TMCC3: variants seen among roughly 807,000 people sequenced by gnomAD.
TMCC3 encodes transmembrane and coiled-coil domain family 3.
In TMCC3, 28 loss-of-function variants were observed where a neutral mutation model predicts 40.2. The ratio of observed to expected loss-of-function variants is 0.70; its 90% CI spans 0.52 to 0.95. The LOEUF is 0.95. Among genes scored for constraint, TMCC3 ranks in the 40% least tolerant of loss-of-function variants. TMCC3 has a pLI of 0.00. For missense variants in TMCC3, 554 were observed against 615.2 expected (o/e 0.90, Z 1.05); for synonymous variants, 255 against 248.5 (o/e 1.03, Z -0.25).
intron 1 of TMCC3, among the ~76,000 whole-genome samples, chr12:94,591,649 G>A (rs754646013): frequency 2.5e-4 from 38 of 152,100 alleles, no homozygotes; most frequent in Non-Finnish European, 4.3e-4. Context: ...CTGACTACTC[G>A]GGAGGTTGAG....
At position 94,628,265 on chromosome 12, in the gene TMCC3, C is replaced by T. The variant is rs146473212; in HGVS notation, c.78+22088G>A. ...TCCTGGGTGAAGGGGACTCCTTGGGCCAGGACATTAGGGGAGGCAAAGAGC... is the reference window on the plus strand; with the variant it reads ...TCCTGGGTGAAGGGGACTCCTTGGGTCAGGACATTAGGGGAGGCAAAGAGC... On this transcript the variant is annotated intron_variant, in intron 1 of 3. Transcript: ENST00000261226. Among the ~76,000 whole-genome samples the T allele has an allele frequency of 3.3e-3, 495 of 152,230 alleles. 7 individuals are homozygous for T. The highest frequency in any genetic ancestry group is 0.011 in the African/African-American group (471 of 41,532).
rs1211471188 is a variant in TMCC3, at chr12:94,567,325, A to C, written c.*4110T>G. The C allele has an allele frequency of 2.0e-5, 3 of 152,230 alleles. No homozygotes were observed. The highest frequency in any genetic ancestry group is 4.4e-5 in the Non-Finnish European group (3 of 68,036). The allele number at this position is 152,230 out of a possible 1,614,324, so 9.4% of individuals were successfully genotyped here. A position where few individuals can be genotyped will look rare whatever the true frequency, so the allele number is the denominator to read the frequency against. ...TTCTGCAACAAGCCTCACAATAAAC[A>C]TTTCCAGTTTCTACTTTCAGAGTTG... On this transcript the variant is annotated 3_prime_UTR_variant, in exon 4 of 4. Transcript: ENST00000261226.
intron 1 of TMCC3, among the ~76,000 whole-genome samples, chr12:94,587,914 C>G (rs1418748341): frequency 2.0e-5 from 3 of 152,194 alleles, no homozygotes; most frequent in Non-Finnish European, 4.4e-5. Flanking sequence ...GAATACTTGG[C>G]TGTTATTACT....
Position 94,571,515 on chromosome 12 carries a change from C to A in TMCC3, c.1354G>T (p.Ala452Ser), listed in dbSNP as rs1245214551. The A allele has an allele frequency of 6.2e-7, 1 of 1,614,038 alleles. No homozygotes were observed. Among genetic ancestry groups the A allele is most frequent in the Non-Finnish European group, 8.5e-7 (1 of 1,180,006 alleles). Reference protein sequence around the residue: ...SRCHILGTFFAVTLLAIFCKN... With the variant: ...SRCHILGTFFSVTLLAIFCKN... The stretch of plus-strand genomic sequence containing the variant: ...CAAAATATAGCAAGAAGAGTCACGG[C>A]AAAGAAGGTGCCAAGAATGTGGCAG... The change falls in exon 4 of 4, where the codon GCC (alanine) becomes TCC (serine). Residue 452 changes from alanine (A) to serine (S), a missense_variant. Transcript: ENST00000261226.
chr12:94,644,455 A>G (rs2069007511), intron 1 of TMCC3: 2 of 985,114 alleles, frequency 2.0e-6, no homozygotes, highest in African/African-American at 1.7e-5. Context: ...CTGAGATCCA[A>G]CTTGGTAGCA....
intron 1 of TMCC3, chr12:94,613,840 A>G (rs2068830676): frequency 6.6e-6 from 1 of 152,178 alleles, no homozygotes; most frequent in Non-Finnish European, 1.5e-5. Context: ...CATACCTGTA[A>G]TCCTAGCACT....
chr12:94,573,441 C>T (rs1268292669), intron 3 of TMCC3, among the ~76,000 whole-genome samples: 2 of 152,174 alleles, frequency 1.3e-5, no homozygotes, highest in Non-Finnish European at 2.9e-5. Context: ...TTTGGTATCA[C>T]TCCTTTTCAT....
At chr12:94,577,901 C>G (rs1266375032) in intron 3 of TMCC3, among the ~76,000 whole-genome samples, 1 of 151,818 alleles carries the variant, frequency 6.6e-6, no homozygotes, top group African/African-American at 2.4e-5. Context: ...AATCCCAGCA[C>G]TTTGGGAGGC....
chr12:94,630,791 C>A (rs967749224), intron 1 of TMCC3, among the ~76,000 whole-genome samples: 1 of 152,134 alleles, frequency 6.6e-6, no homozygotes, highest in Non-Finnish European at 1.5e-5. Context: ...TGCAGTGGCA[C>A]CAAACTGGCC....
chr12:94,603,925 C>A (rs1289771338), intron 1 of TMCC3, among the ~76,000 whole-genome samples: 10 of 142,014 alleles, frequency 7.0e-5, no homozygotes, highest in Admixed American at 7.0e-5. Flanking sequence ...AGAAAAAAAA[C>A]CACTTAAATT....
chr12:94,629,849 T>A (rs952997690), intron 1 of TMCC3, among the ~76,000 whole-genome samples: 14 of 152,366 alleles, frequency 9.2e-5, no homozygotes, highest in Non-Finnish European at 1.6e-4. Context: ...AAATTTCGAA[T>A]AAGGTTCAAA....
chr12:94,592,682 A>G (rs1325334021), intron 1 of TMCC3, among the ~76,000 whole-genome samples: 1 of 148,592 alleles, frequency 6.7e-6, no homozygotes, highest in Non-Finnish European at 1.5e-5. Flanking sequence ...AAAAAAAAAA[A>G]ATTCTATTTC....
intron 1 of TMCC3, among the ~76,000 whole-genome samples, chr12:94,608,096 C>A (rs906203821): frequency 1.3e-5 from 2 of 152,136 alleles, no homozygotes; most frequent in African/African-American, 4.8e-5. Flanking sequence ...ATATATACTT[C>A]ATATTATAGG....
At chr12:94,580,925 T>C (rs936511222) in intron 2 of TMCC3, among the ~76,000 whole-genome samples, 19 of 152,332 alleles carry the variant, frequency 1.2e-4, no homozygotes, top group Admixed American at 9.2e-4. Context: ...CATCTTAAGA[T>C]GCACGTGAGT....
rs2068526294 is a variant in TMCC3 at position 94,571,331 on chromosome 12, T to C, written c.*104A>G. 1 of 1,228,558 alleles carries C rather than the reference T, an allele frequency of 8.1e-7. No homozygotes were observed. Among genetic ancestry groups the C allele is most frequent in the East Asian group, 2.4e-5 (1 of 41,392 alleles). The allele number at this position is 1,228,558 out of a possible 1,614,324, so 76.1% of individuals were successfully genotyped here. A position where few individuals can be genotyped will look rare whatever the true frequency, so the allele number is the denominator to read the frequency against. ...TACACCACACAGTCCTAGTTTTTCT[T>C]ACACACGAGTCCGCACAATCATTCA... On this transcript the variant is annotated 3_prime_UTR_variant, in exon 4 of 4. Coordinates refer to ENST00000261226, the MANE Select transcript of TMCC3 (RefSeq NM_020698.4).
In TMCC3 at chr12:94,588,825, A is replaced by ATT. The variant is rs77963963; in HGVS notation, c.79-6289_79-6288dup. Among the ~76,000 whole-genome samples, 520 of 141,694 alleles carry ATT rather than the reference A, an allele frequency of 3.7e-3. 3 individuals are homozygous for ATT. Among genetic ancestry groups the ATT allele is most frequent in the African/African-American group, 0.013 (484 of 38,018 alleles). 93.0% of individuals were successfully genotyped at this position (141,694 alleles called of 152,430 possible). On this transcript the variant is annotated intron_variant, in intron 1 of 3. Transcript: ENST00000261226. ...GTAAACTTTCTTAAATCGGTATGAGATTTTTTTTTTTTTTTTTTGAGACAG... is the reference window on the plus strand; with the variant it reads ...GTAAACTTTCTTAAATCGGTATGAGATTTTTTTTTTTTTTTTTTTTGAGACAG...
rs139564543 is a variant in TMCC3, at chr12:94,600,605, C to A, written c.79-18067G>T. Among the ~76,000 whole-genome samples, 598 of 152,292 alleles carry A rather than the reference C, an allele frequency of 3.9e-3. 5 individuals carry two copies. Among genetic ancestry groups the A allele is most frequent in the African/African-American group, 0.014 (580 of 41,544 alleles). On this transcript the variant is annotated intron_variant, in intron 1 of 3. Transcript: ENST00000261226. ...TTCCTTCACCATCCACCAAGTGGAT[C>A]TCAGCACTGTGGTACATGAACATAT...
At chr12:94,621,607 A>T (rs1273566814) in intron 1 of TMCC3, among the ~76,000 whole-genome samples, 2 of 152,218 alleles carry the variant, frequency 1.3e-5, no homozygotes, top group East Asian at 3.8e-4. Context: ...TTCTTTATCT[A>T]AACAGGAAAG....
intron 2 of TMCC3, among the ~76,000 whole-genome samples, chr12:94,580,342 G>C (rs2068592644): frequency 6.6e-6 from 1 of 152,070 alleles, no homozygotes; most frequent in South Asian, 2.1e-4. Context: ...ATAAGCCAAA[G>C]GTTTTGAATG....
Sources: allele counts gnomAD v4.1 joint callset (sites outside exome capture counted in the v4.1 genomes callset), GRCh38; gene constraint gnomAD v4.1.1; transcripts MANE v1.5; gene names NCBI Gene and HGNC (gene_info 2026-07-23, HGNC 2026-07-21).